The following MYH11 variants were observed in gnomAD, a reference collection of about 807,000 sequenced individuals.
MYH11 encodes the protein myosin-11.
Under a neutral mutation model 246.6 loss-of-function variants are expected in MYH11, and 80 were observed. The ratio of observed to expected loss-of-function variants is 0.32; its 90% CI spans 0.27 to 0.39. The LOEUF is 0.39. MYH11 is among the 10% of genes least tolerant of loss of function. The probability of loss-of-function intolerance (pLI) is 1.00; values close to 1 mark genes in which losing one functional copy is unlikely to be tolerated. For synonymous variants in MYH11, 1,071 were observed against 1,015.5 expected (o/e 1.05, Z -1.04); for missense variants, 2,158 against 2,546.8 (o/e 0.85, Z 3.29).
intron 21 of MYH11, 31 bp from the exon 22 acceptor site, chr16:15,741,700 G>C: frequency 6.2e-7 from 1 of 1,614,038 alleles, no homozygotes; most frequent in Non-Finnish European, 8.5e-7. Context: ...GGAGGCGGGT[G>C]AGCCCCACGG....
intron 2 of MYH11, among the ~76,000 whole-genome samples, chr16:15,825,896 C>T (rs1452317519): frequency 1.3e-5 from 2 of 152,086 alleles, no homozygotes; most frequent in African/African-American, 2.4e-5. Context: ...ATCAGTACTG[C>T]CCAAGACTCT....
intron 1 of MYH11, among the ~76,000 whole-genome samples, chr16:15,841,150 G>A (rs918953463): frequency 1.3e-5 from 2 of 152,226 alleles, no homozygotes; most frequent in Non-Finnish European, 1.5e-5. Flanking sequence ...TTTTGTTGTT[G>A]TTGTTTGAGA....
chr16:15,740,208 G>A lies in MYH11; in HGVS notation c.2860-20C>T. 6.2e-7 allele frequency: 1 copy of A among 1,614,066 alleles called. No individual in the cohort carries two copies. The highest frequency in any genetic ancestry group is 8.5e-7 in the Non-Finnish European group (1 of 1,180,000). On this transcript the variant is annotated intron_variant, in intron 22 of 40. Transcript: ENST00000300036. The stretch of plus-strand genomic sequence containing the variant: ...AAGGTCCTTTGTTGTGGAGGGAAAA[G>A]AGTAACAGCTTTGGTTATAACAGAT...
At position 15,724,921 on chromosome 16, in the gene MYH11, C is replaced by T. The variant is rs369184213; in HGVS notation, c.3930G>A (p.Val1310=). The change falls in exon 29 of 41, where the codon GTG becomes GTA. Residue 1310 remains valine, a synonymous_variant. Transcript: ENST00000300036. ...EGKAIKLAKD[V]ASLSSQLQDT... is the part of the protein sequence containing the mutation. ...CCTGGAGCTGGGAACTGAGGGACGC[C>T]ACGTCCTTGGCCAGCTTAATGGCCT... 2.1e-5 allele frequency: 34 copies of T among 1,614,028 alleles called. No homozygotes were observed. The highest frequency in any genetic ancestry group is 3.3e-5 in the Admixed American group (2 of 60,000).
At chr16:15,753,556 T>TA (rs2041631338) in intron 14 of MYH11, 48 bp from the exon 15 acceptor site, 10 of 1,490,112 alleles carry the variant, frequency 6.7e-6, no homozygotes, top group Non-Finnish European at 9.4e-6. Flanking sequence ...ACTAGAAACT[T>TA]AGAAACCAAG....
intron 2 of MYH11, among the ~76,000 whole-genome samples, chr16:15,830,630 C>T (rs1421789033): frequency 6.6e-6 from 1 of 152,140 alleles, no homozygotes; most frequent in East Asian, 1.9e-4. Context: ...GTAATTGTAG[C>T]ACTTTGGGAG....
chr16:15,748,738 C>G (rs1421387000), intron 16 of MYH11, among the ~76,000 whole-genome samples: 1 of 152,138 alleles, frequency 6.6e-6, no homozygotes, highest in African/African-American at 2.4e-5. Context: ...AAATCAGCCT[C>G]CCAAGTATTT....
At chr16:15,766,134 A>T (rs2041975347) in intron 9 of MYH11, among the ~76,000 whole-genome samples, 1 of 152,106 alleles carries the variant, frequency 6.6e-6, no homozygotes, top group Non-Finnish European at 1.5e-5. Context: ...TGGGAGGCAA[A>T]CTCACCTCTG....
At chr16:15,758,445 G>A (rs1277924047) in intron 12 of MYH11, among the ~76,000 whole-genome samples, 1 of 152,074 alleles carries the variant, frequency 6.6e-6, no homozygotes, top group African/African-American at 2.4e-5. Flanking sequence ...CAAGGCGGGA[G>A]GATCACTTGA....
chr16:15,748,955 T>C (rs2041493281), intron 16 of MYH11, among the ~76,000 whole-genome samples: 1 of 151,852 alleles, frequency 6.6e-6, no homozygotes, highest in South Asian at 2.1e-4. Context: ...AATCTGACCA[T>C]GATATAGCCC....
rs1567699253 is a variant in MYH11 at position 15,724,171 on chromosome 16, T to C, written c.4355A>G (p.Lys1452Arg). The C allele has an allele frequency of 6.2e-7, 1 of 1,613,618 alleles. No individual in the cohort carries two copies. Among genetic ancestry groups the C allele is most frequent in the South Asian group, 1.1e-5 (1 of 91,050 alleles). Residue 1452 changes from lysine to arginine, a missense_variant, in exon 31 of 41, where the codon AAA (lysine) becomes AGA (arginine). Physicochemically the swap from Lys to Arg is conservative, Grantham distance 26. This residue lies in a region of MYH11 where 1,013 missense variants were observed against 993.5 expected (regional missense o/e 1.02). Transcript: ENST00000300036. The stretch of plus-strand genomic sequence containing the variant: ...CCCCACGCCCTCTACCTGATCAAAT[T>C]TCCTCTGCTTCTTTTCCAGGTTGGA... ...LVSNLEKKQR[K>R]FDQLLAEEKN...
At position 15,786,564 on chromosome 16, in the gene MYH11, C is replaced by T. The variant is rs568735261; in HGVS notation, c.633+66G>A. 9.4e-5 allele frequency: 133 copies of T among 1,408,744 alleles called. 1 individual carries two copies. The South Asian group carries it at 1.2e-3, about 13-fold the overall frequency. The allele number at this position is 1,408,744 out of a possible 1,614,324, so 87.3% of individuals were successfully genotyped here. On this transcript the variant is annotated intron_variant, in intron 5 of 40. Transcript: ENST00000300036. ...TTGCAATGATGTTCTGTTTGTATCT[C>T]GGTTGGGCTGCAAGCTGGAGACCGG...
chr16:15,710,667 A>G (rs2039730807), intron 40 of MYH11, among the ~76,000 whole-genome samples: 1 of 151,106 alleles, frequency 6.6e-6, no homozygotes, highest in Non-Finnish European at 1.5e-5. Context: ...AGCAGAGCAC[A>G]TCTGAGGGTT....
At position 15,772,148 on chromosome 16, in the gene MYH11, G is replaced by A. The variant is rs981268444; in HGVS notation, c.890-436C>T. ...ACTCTGTCGTCCAGGCAGGAGTGCA[G>A]TGGCGCGATCTCGGCTCACTGCAAC... On this transcript the variant is annotated intron_variant, in intron 8 of 40. Transcript: ENST00000300036. Among the ~76,000 whole-genome samples the A allele has an allele frequency of 7.3e-5, 10 of 136,910 alleles. No homozygotes were observed. In the South Asian group the frequency reaches 1.4e-3, roughly 19 times the overall value. The allele number at this position is 136,910 out of a possible 152,430, so 89.8% of individuals were successfully genotyped here.
chr16:15,708,570 C>T (rs757677609), intron 40 of MYH11, among the ~76,000 whole-genome samples: 21 of 152,218 alleles, frequency 1.4e-4, no homozygotes, highest in Non-Finnish European at 2.5e-4. Flanking sequence ...TGTCATGTCA[C>T]ATGTGCTGCC....
chr16:15,832,927 G>A (rs1156265985), intron 2 of MYH11, among the ~76,000 whole-genome samples: 1 of 138,772 alleles, frequency 7.2e-6, no homozygotes, highest in African/African-American at 2.6e-5. Flanking sequence ...GCACATCTGA[G>A]CTTCAGCAAC....
chr16:15,773,303 T>TTC (rs1276849134), intron 8 of MYH11, among the ~76,000 whole-genome samples: 1 of 151,240 alleles, frequency 6.6e-6, no homozygotes, highest in Non-Finnish European at 1.5e-5. Flanking sequence ...TTTTTTTTTT[T>TTC]TTTTGAGAGG....
chr16:15,736,506 T>C lies in MYH11; in HGVS notation c.3294-928A>G, dbSNP rs1210420013. On this transcript the variant is annotated intron_variant, in intron 25 of 40. Transcript: ENST00000300036. ...GTTGCCCATGTTGGTCTCAAACTGC[T>C]GGCCTCAAGCAATCCCCCCACCTCG... Among the ~76,000 whole-genome samples the C allele has an allele frequency of 3.9e-5, 6 of 152,170 alleles. No individual in the cohort carries two copies. In the South Asian group the frequency reaches 1.2e-3, roughly 32 times the overall value.
intron 9 of MYH11, among the ~76,000 whole-genome samples, chr16:15,769,210 GGAGGCTCAGCCAA>G (rs2042046426): frequency 1.3e-5 from 2 of 152,152 alleles, no homozygotes; most frequent in Non-Finnish European, 1.5e-5. Flanking sequence ...CAGCTACCCA[GGAGGCTCAGCCAA>G]GAGAATTGCT....
Sources: allele counts gnomAD v4.1 joint callset (sites outside exome capture counted in the v4.1 genomes callset), GRCh38; gene constraint gnomAD v4.1.1; regional missense constraint gnomAD v4.1.1; transcripts MANE v1.5; gene names NCBI Gene and HGNC (gene_info 2026-07-23, HGNC 2026-07-21).